The following NTRK2 variants were observed in gnomAD, a reference collection of about 807,000 sequenced individuals.
The protein encoded by NTRK2 is neurotrophic receptor tyrosine kinase 2, also known as BDNF/NT-3 growth factors receptor.
NTRK2 carries 13 observed loss-of-function variants against 94.5 expected under a neutral mutation model. The ratio of observed to expected loss-of-function variants is 0.14; its 90% confidence interval spans 0.09 to 0.22. The LOEUF (loss-of-function observed/expected upper bound fraction) is 0.22. Ranked by LOEUF, NTRK2 falls within the 10% of genes least tolerant of loss-of-function variation. The pLI, the probability that NTRK2 is intolerant of heterozygous loss-of-function variation, is 1.00. For missense variants in NTRK2, 639 were observed against 1,071.2 expected, an observed-to-expected ratio of 0.60 and a Z score of 5.63; for synonymous variants, 372 against 407.4, an observed-to-expected ratio of 0.91 and a Z score of 1.05.
chr9:84,991,498 G>A (rs12380077), intron 17 of NTRK2, among the ~76,000 whole-genome samples: 2,688 of 152,248 alleles, frequency 0.018, 40 homozygotes, highest in Middle Eastern at 0.051. Context: ...GTTCTCAACC[G>A]TGGAAGCTCT....
At chr9:84,833,107 G>GTGGTGT (rs1564365917) in intron 12 of NTRK2, among the ~76,000 whole-genome samples, 2 of 146,702 alleles carry the variant, frequency 1.4e-5, no homozygotes, top group Middle Eastern at 3.2e-3. Flanking sequence ...GGTGGTGGTG[G>GTGGTGT]TGGTGGTGGT....
intron 16 of NTRK2, among the ~76,000 whole-genome samples, chr9:84,953,456 C>A (rs1823723264): frequency 6.6e-6 from 1 of 152,206 alleles, no homozygotes; most frequent in Non-Finnish European, 1.5e-5. Flanking sequence ...TTATGTAACT[C>A]ACCCAAAATC....
chr9:84,936,946 G>T (rs189957204), intron 15 of NTRK2, among the ~76,000 whole-genome samples: 1 of 152,080 alleles, frequency 6.6e-6, no homozygotes, highest in Admixed American at 6.5e-5. Context: ...AACTCTCTGG[G>T]ATTCAGAGGC....
At chr9:84,953,545 A>G (rs1334822738) in intron 16 of NTRK2, among the ~76,000 whole-genome samples, 2 of 152,206 alleles carry the variant, frequency 1.3e-5, no homozygotes, top group Non-Finnish European at 2.9e-5. Flanking sequence ...TCTTACCTTG[A>G]GTAGGTGCTT....
intron 17 of NTRK2, among the ~76,000 whole-genome samples, chr9:84,972,151 G>A (rs1278382377): frequency 6.6e-6 from 1 of 152,144 alleles, no homozygotes; most frequent in Non-Finnish European, 1.5e-5. Flanking sequence ...GTGAGAAAAA[G>A]GAAGACCTAA....
chr9:84,802,048 C>A (rs533043481), intron 12 of NTRK2, among the ~76,000 whole-genome samples: 1 of 152,266 alleles, frequency 6.6e-6, no homozygotes, highest in African/African-American at 2.4e-5. Flanking sequence ...TGAAGTAGAT[C>A]GCCTTTTCCT....
At chr9:84,811,467 C>T (rs1035206843) in intron 12 of NTRK2, 4 of 1,065,468 alleles carry the variant, frequency 3.8e-6, no homozygotes, top group Non-Finnish European at 4.5e-6. Context: ...TTTATTTGCC[C>T]TCTGCGATCC....
At position 85,026,989 on chromosome 9, in the gene NTRK2, A is replaced by G. The variant is rs569752693; in HGVS notation, c.*5552A>G. On this transcript the variant is annotated 3_prime_UTR_variant, in exon 19 of 19. Coordinates refer to ENST00000277120, the MANE Select transcript of NTRK2 (RefSeq NM_006180.6). ...ACCAGCTTCTCTCAACCTGACATGG[A>G]AAGTCTCTTGTACTACAGTGTATTT... is the stretch of plus-strand genomic sequence containing the variant. The G allele has an allele frequency of 1.1e-4, 25 of 232,492 alleles. No homozygotes were observed. Among genetic ancestry groups the G allele is most frequent in the Non-Finnish European group, 2.0e-4 (23 of 117,694 alleles). 14.4% of individuals were successfully genotyped at this position (232,492 alleles called of 1,614,324 possible). A position where few individuals can be genotyped will look rare whatever the true frequency, so the allele number is the denominator to read the frequency against.
chr9:84,725,506 G>A (rs947426982), intron 8 of NTRK2, among the ~76,000 whole-genome samples: 2 of 152,064 alleles, frequency 1.3e-5, no homozygotes, highest in African/African-American at 2.4e-5. Context: ...GGGGACCTGG[G>A]CTGGTGGGAG....
chr9:84,812,493 G>A (rs1282441316), intron 12 of NTRK2: 10 of 1,048,568 alleles, frequency 9.5e-6, no homozygotes, highest in Non-Finnish European at 1.2e-5. Context: ...TCTTGTTCGC[G>A]GCTAAATGAC....
chr9:84,976,591 C>A (rs1826893919), intron 17 of NTRK2, among the ~76,000 whole-genome samples: 2 of 152,102 alleles, frequency 1.3e-5, no homozygotes, highest in Non-Finnish European at 2.9e-5. Flanking sequence ...TAATGCAAGA[C>A]CTAATATTAT....
At position 84,697,602 on chromosome 9, in the gene NTRK2, C is replaced by G. The variant is rs535180233; in HGVS notation, c.213-4557C>G. ...CAGTGGCCCTGACCTGGCACTTCCTCTCTCCTTCCTAACCCTGTGCCTTTG... is the reference window on the plus strand; with the variant it reads ...CAGTGGCCCTGACCTGGCACTTCCTGTCTCCTTCCTAACCCTGTGCCTTTG... On this transcript the variant is annotated intron_variant, in intron 2 of 18. Transcript: ENST00000277120. Among the ~76,000 whole-genome samples, 6 of 152,334 alleles carry G rather than the reference C, an allele frequency of 3.9e-5. No individual in the cohort carries two copies. The East Asian group carries it at 1.2e-3, about 29-fold the overall frequency.
At position 85,021,331 on chromosome 9, in the gene NTRK2, G is replaced by C; in HGVS notation, c.2411G>C (p.Gly804Ala). The C allele has an allele frequency of 6.2e-7, 1 of 1,614,132 alleles. No individual in the cohort carries two copies. Among genetic ancestry groups the C allele is most frequent in the South Asian group, 1.1e-5 (1 of 91,078 alleles). Residue 804 changes from glycine to alanine, a missense_variant, in exon 19 of 19, where the codon GGG becomes GCG. Physicochemically the swap from Gly to Ala is moderately conservative, Grantham distance 60. This residue lies in a region of NTRK2 where 77 missense variants were observed against 203.6 expected (regional missense o/e 0.38). Transcript: ENST00000277120. The stretch of plus-strand genomic sequence containing the variant: ...CAGGAGGTGTATGAGCTGATGCTGG[G>C]GTGCTGGCAGCGAGAGCCCCACATG... ...CPQEVYELML[G>A]CWQREPHMRK... is the part of the protein sequence containing the mutation.
intron 12 of NTRK2, chr9:84,813,482 C>T: frequency 9.4e-7 from 1 of 1,065,150 alleles, no homozygotes; most frequent in Non-Finnish European, 1.1e-6. Context: ...TTCTGTCTTC[C>T]CGTTGCAAAT....
chr9:84,756,413 G>C (rs544456846), intron 12 of NTRK2, among the ~76,000 whole-genome samples: 1 of 152,266 alleles, frequency 6.6e-6, no homozygotes, highest in Admixed American at 6.5e-5. Context: ...GTCTTCAAAG[G>C]GTGCTCCACA....
At chr9:84,760,909 G>A (rs1349989556) in intron 12 of NTRK2, among the ~76,000 whole-genome samples, 2 of 152,156 alleles carry the variant, frequency 1.3e-5, no homozygotes, top group African/African-American at 4.8e-5. Flanking sequence ...TAATTCTGAT[G>A]TATGTACAGC....
At chr9:84,755,013 A>G (rs558979956) in intron 12 of NTRK2, among the ~76,000 whole-genome samples, 1 of 152,332 alleles carries the variant, frequency 6.6e-6, no homozygotes, top group African/African-American at 2.4e-5. Context: ...ACTACAGCTG[A>G]GTGCAGGGCA....
At chr9:84,974,782 T>G (rs564522517) in intron 17 of NTRK2, among the ~76,000 whole-genome samples, 1 of 152,306 alleles carries the variant, frequency 6.6e-6, no homozygotes, top group East Asian at 1.9e-4. Context: ...TGGAGGTGCA[T>G]GTCTCCTCCC....
intron 17 of NTRK2, among the ~76,000 whole-genome samples, chr9:85,005,309 C>T (rs1455807017): frequency 5.9e-5 from 9 of 152,132 alleles, no homozygotes; most frequent in Non-Finnish European, 1.2e-4. Flanking sequence ...AAATGAAAGG[C>T]AGATGCAAAC....
Sources: allele counts gnomAD v4.1 joint callset (sites outside exome capture counted in the v4.1 genomes callset), GRCh38; gene constraint gnomAD v4.1.1; regional missense constraint gnomAD v4.1.1; transcripts MANE v1.5; gene names NCBI Gene and HGNC (gene_info 2026-07-23, HGNC 2026-07-21).